The following ACVR1C variants were observed in gnomAD, a reference collection of about 807,000 sequenced individuals.
ACVR1C encodes the protein activin receptor type-1C.
A neutral mutation model predicts 57.9 loss-of-function variants in ACVR1C; 23 were observed. That is an observed-to-expected ratio of 0.40 (90% confidence interval 0.29 to 0.56). ACVR1C has a LOEUF of 0.56. Ranked by LOEUF, ACVR1C falls within the 20% of genes least tolerant of loss-of-function variation. The pLI is 0.50. For missense variants in ACVR1C, 480 were observed against 607.9 expected, an observed-to-expected ratio of 0.79 and a Z score of 2.21; for synonymous variants, 214 against 215.3, an observed-to-expected ratio of 0.99 and a Z score of 0.05.
At chr2:157,619,462 TTAA>T (rs2105157033) in intron 1 of ACVR1C, among the ~76,000 whole-genome samples, 2 of 152,124 alleles carry the variant, frequency 1.3e-5, no homozygotes, top group Admixed American at 1.3e-4. Flanking sequence ...AGGTCTTAAA[TTAA>T]TAATTTAATG....
chr2:157,585,704 GTC>G (rs893954689), intron 2 of ACVR1C, among the ~76,000 whole-genome samples: 13 of 152,220 alleles, frequency 8.5e-5, no homozygotes, highest in African/African-American at 2.9e-4. Context: ...ACTTTAAGGT[GTC>G]TCTGGAGCAC....
At chr2:157,551,169 A>G (rs987679524) in intron 3 of ACVR1C, among the ~76,000 whole-genome samples, 1 of 152,248 alleles carries the variant, frequency 6.6e-6, no homozygotes. Flanking sequence ...GATTAAGAGC[A>G]CAGGCGGATT....
At position 157,532,177 on chromosome 2, in the gene ACVR1C, A is replaced by G. The variant is rs1383945884; in HGVS notation, c.*1741T>C. 2 of 152,106 alleles carry G rather than the reference A, an allele frequency of 1.3e-5. No individual in the cohort carries two copies. Among genetic ancestry groups the G allele is most frequent in the African/African-American group, 2.4e-5 (1 of 41,444 alleles). The allele number at this position is 152,106 out of a possible 1,614,324, so 9.4% of individuals were successfully genotyped here. On this transcript the variant is annotated 3_prime_UTR_variant, in exon 9 of 9. Transcript: ENST00000243349. ...TAGTGAAATGAAGCATAATCACTAA[A>G]TTGTACTCTATGAGAAAATACAGAA...
intron 2 of ACVR1C, among the ~76,000 whole-genome samples, chr2:157,577,647 C>A (rs1688695492): frequency 1.3e-5 from 2 of 151,668 alleles, no homozygotes; most frequent in South Asian, 4.2e-4. Flanking sequence ...TTTCTGTAGA[C>A]CTTTATTTTA....
intron 2 of ACVR1C, among the ~76,000 whole-genome samples, chr2:157,556,657 CTTTTT>C (rs1169628343): frequency 1.1e-5 from 1 of 87,902 alleles, no homozygotes; most frequent in Non-Finnish European, 2.1e-5. Flanking sequence ...CAGCAGTACA[CTTTTT>C]TTTTTTTTTT....
intron 3 of ACVR1C, among the ~76,000 whole-genome samples, chr2:157,554,201 G>GAGAAAGAAAGAACGAAAGAAAGAA (rs1687997904): frequency 2.4e-5 from 1 of 41,440 alleles, no homozygotes; most frequent in Non-Finnish European, 3.9e-5. Flanking sequence ...ATAAAGAAGA[G>GAGAAAGAAAGAACGAAAGAAAGAA]AGAAAGAAAG....
intron 3 of ACVR1C, among the ~76,000 whole-genome samples, chr2:157,554,148 A>G (rs1687992616): frequency 2.0e-5 from 3 of 148,648 alleles, no homozygotes; most frequent in Non-Finnish European, 3.0e-5. Context: ...GCACCACTGC[A>G]CTCCAGCCTA....
chr2:157,592,698 T>C (rs1202526493), intron 1 of ACVR1C, among the ~76,000 whole-genome samples: 1 of 152,144 alleles, frequency 6.6e-6, no homozygotes, highest in African/African-American at 2.4e-5. Context: ...TATATTTATA[T>C]TAATCATCCT....
Position 157,527,778 on chromosome 2 carries a change from A to G in ACVR1C, c.*6140T>C, listed in dbSNP as rs1687262740. The G allele has an allele frequency of 6.6e-6, 1 of 152,220 alleles. No individual in the cohort carries two copies. 9.4% of individuals were successfully genotyped at this position (152,220 alleles called of 1,614,324 possible). On this transcript the variant is annotated 3_prime_UTR_variant, in exon 9 of 9. Coordinates refer to ENST00000243349, the MANE Select transcript of ACVR1C (RefSeq NM_145259.3). ...CTATTATTTAGCCTATGGAAGAAAT[A>G]GAAATATTAGTAAATGTCATTCTAC...
At chr2:157,620,646 T>C (rs1682752091) in intron 1 of ACVR1C, among the ~76,000 whole-genome samples, 1 of 152,160 alleles carries the variant, frequency 6.6e-6, no homozygotes, top group Admixed American at 6.5e-5. Flanking sequence ...TATATATTTA[T>C]GGGATACAAT....
chr2:157,611,918 TGTG>T (rs1682544721), intron 1 of ACVR1C, among the ~76,000 whole-genome samples: 1 of 152,168 alleles, frequency 6.6e-6, no homozygotes, highest in Non-Finnish European at 1.5e-5. Flanking sequence ...TGAGGTAATC[TGTG>T]GTGAAGGGTG....
chr2:157,576,183 G>A (rs934489860), intron 2 of ACVR1C, among the ~76,000 whole-genome samples: 1 of 148,662 alleles, frequency 6.7e-6, no homozygotes, highest in Non-Finnish European at 1.5e-5. Context: ...CCATTATTGT[G>A]GCTTGAGGAA....
chr2:157,562,860 G>A (rs1688274957), intron 2 of ACVR1C, among the ~76,000 whole-genome samples: 1 of 133,644 alleles, frequency 7.5e-6, no homozygotes, highest in Admixed American at 7.2e-5. Context: ...CAAAACCAAT[G>A]ACAAAAACCA....
At chr2:157,612,397 G>A (rs550543178) in intron 1 of ACVR1C, among the ~76,000 whole-genome samples, 1 of 152,108 alleles carries the variant, frequency 6.6e-6, no homozygotes, top group Admixed American at 6.5e-5. Flanking sequence ...AGTGGTATGA[G>A]TGAGGGACAG....
At chr2:157,566,632 C>A (rs907770796) in intron 2 of ACVR1C, among the ~76,000 whole-genome samples, 1 of 151,896 alleles carries the variant, frequency 6.6e-6, no homozygotes, top group Non-Finnish European at 1.5e-5. Context: ...CACTCCCACC[C>A]GAATATTGCG....
intron 1 of ACVR1C, among the ~76,000 whole-genome samples, chr2:157,600,523 T>C (rs1682257316): frequency 6.6e-6 from 1 of 152,154 alleles, no homozygotes; most frequent in African/African-American, 2.4e-5. Context: ...GTCTCAAGTT[T>C]AGAATGAAAG....
At chr2:157,578,365 C>G (rs565579039) in intron 2 of ACVR1C, among the ~76,000 whole-genome samples, 10 of 152,284 alleles carry the variant, frequency 6.6e-5, no homozygotes, top group African/African-American at 2.2e-4. Context: ...TTCTCCTAGA[C>G]AGAATAAGGT....
At chr2:157,620,057 A>T (rs1682734666) in intron 1 of ACVR1C, among the ~76,000 whole-genome samples, 1 of 152,078 alleles carries the variant, frequency 6.6e-6, no homozygotes, top group African/African-American at 2.4e-5. Flanking sequence ...CTATACTTCT[A>T]AAGGGGTCCA....
intron 4 of ACVR1C, among the ~76,000 whole-genome samples, chr2:157,546,709 C>T (rs529163990): frequency 1.6e-4 from 24 of 150,664 alleles, no homozygotes; most frequent in Middle Eastern, 6.8e-3. Context: ...GTAACAATTT[C>T]GTAAAAAAAA....
Sources: allele counts gnomAD v4.1 joint callset (sites outside exome capture counted in the v4.1 genomes callset), GRCh38; gene constraint gnomAD v4.1.1; transcripts MANE v1.5; gene names NCBI Gene and HGNC (gene_info 2026-07-23, HGNC 2026-07-21).